Variants in CHP1 observed in about 807,000 individuals in gnomAD.
The protein encoded by CHP1 is calcineurin like EF-hand protein 1.
CHP1 carries 11 observed loss-of-function variants against 27.4 expected under a neutral mutation model. That is an observed-to-expected ratio of 0.40 (90% CI 0.25 to 0.67). The LOEUF (loss-of-function observed/expected upper bound fraction) is 0.67, where lower values mean the gene tolerates loss of function less well. Among genes scored for constraint, CHP1 ranks in the 30% least tolerant of loss-of-function variants. The pLI is 0.38. For synonymous variants in CHP1, 89 were observed against 87.4 expected (o/e 1.02, Z -0.10); for missense variants, 169 against 251.3 (o/e 0.67, Z 2.22).
chr15:41,266,281 C>G (rs902739098), intron 4 of CHP1, among the ~76,000 whole-genome samples: 17 of 151,806 alleles, frequency 1.1e-4, no homozygotes, highest in Admixed American at 1.1e-3. Flanking sequence ...GAAACTCCAT[C>G]TCAAAGAATA....
chr15:41,269,502 AG>A (rs1283398048), intron 4 of CHP1, among the ~76,000 whole-genome samples: 1 of 152,064 alleles, frequency 6.6e-6, no homozygotes, highest in Admixed American at 6.6e-5. Flanking sequence ...TTGTCTTTCA[AG>A]GCCTTGTTCA....
At chr15:41,249,781 C>T (rs1398237338) in intron 2 of CHP1, among the ~76,000 whole-genome samples, 2 of 151,940 alleles carry the variant, frequency 1.3e-5, no homozygotes, top group African/African-American at 2.4e-5. Context: ...CTCGCCTTCA[C>T]CTTAAGAAGG....
chr15:41,273,566 A>T (rs1180453461), intron 5 of CHP1, among the ~76,000 whole-genome samples: 3 of 151,962 alleles, frequency 2.0e-5, no homozygotes, highest in Non-Finnish European at 4.4e-5. Context: ...TTTTTAGTAG[A>T]GACGGGGTTT....
chr15:41,249,454 T>A, intron 2 of CHP1, among the ~76,000 whole-genome samples: 1 of 146,322 alleles, frequency 6.8e-6, no homozygotes. Flanking sequence ...ATGCCTGGCC[T>A]TCACCTTCTT....
At chr15:41,262,012 A>G (rs1255420634) in intron 3 of CHP1, among the ~76,000 whole-genome samples, 5 of 148,028 alleles carry the variant, frequency 3.4e-5, no homozygotes, top group African/African-American at 1.0e-4. Flanking sequence ...AAAAAAAAAT[A>G]CAAAAAATTA....
At chr15:41,233,735 A>G (rs1227583805) in intron 1 of CHP1, among the ~76,000 whole-genome samples, 2 of 152,140 alleles carry the variant, frequency 1.3e-5, no homozygotes, top group Non-Finnish European at 2.9e-5. Context: ...TTCAGAAATC[A>G]GGCAAGAGAG....
At chr15:41,248,190 C>T (rs948088145) in intron 2 of CHP1, among the ~76,000 whole-genome samples, 2 of 151,276 alleles carry the variant, frequency 1.3e-5, no homozygotes, top group African/African-American at 4.9e-5. Context: ...ACTCTGTCTC[C>T]TAGGCTGGAG....
chr15:41,249,327 A>AT, intron 2 of CHP1, among the ~76,000 whole-genome samples: 1 of 151,492 alleles, frequency 6.6e-6, no homozygotes, highest in Non-Finnish European at 1.5e-5. Context: ...TAACTTTTGT[A>AT]TTTTTTGTAG....
At chr15:41,246,935 C>T (rs1396244495) in intron 2 of CHP1, among the ~76,000 whole-genome samples, 1 of 149,706 alleles carries the variant, frequency 6.7e-6, no homozygotes, top group Non-Finnish European at 1.5e-5. Context: ...CCTGTAATCC[C>T]AGCACTTTGG....
chr15:41,234,664 T>C (rs905651870), intron 1 of CHP1, among the ~76,000 whole-genome samples: 8 of 152,210 alleles, frequency 5.3e-5, no homozygotes, highest in Non-Finnish European at 8.8e-5. Flanking sequence ...GATCCTCAGT[T>C]TCATCATCTG....
intron 2 of CHP1, among the ~76,000 whole-genome samples, chr15:41,247,406 A>G (rs2047340901): frequency 6.7e-6 from 1 of 148,626 alleles, no homozygotes; most frequent in African/African-American, 2.5e-5. Flanking sequence ...GTGGTGGCTC[A>G]CTCTTGTAAT....
intron 1 of CHP1, among the ~76,000 whole-genome samples, chr15:41,232,003 G>A (rs901475147): frequency 2.0e-5 from 3 of 152,050 alleles, no homozygotes; most frequent in Non-Finnish European, 4.4e-5. Flanking sequence ...ACAATCAGGG[G>A]TCTGGGATTG....
At chr15:41,248,016 C>G (rs1176661434) in intron 2 of CHP1, among the ~76,000 whole-genome samples, 32 of 146,412 alleles carry the variant, frequency 2.2e-4, no homozygotes, top group African/African-American at 7.6e-4. Context: ...AAATAAGTAT[C>G]TAAGTAAGAT....
chr15:41,247,710 C>T (rs1055023457), intron 2 of CHP1, among the ~76,000 whole-genome samples: 4 of 151,202 alleles, frequency 2.6e-5, no homozygotes, highest in African/African-American at 4.9e-5. Context: ...CGGTGGTTCA[C>T]GCCTGTAATC....
intron 1 of CHP1, among the ~76,000 whole-genome samples, chr15:41,236,402 C>T (rs929525195): frequency 1.3e-5 from 2 of 152,120 alleles, no homozygotes; most frequent in South Asian, 2.1e-4. Context: ...GCTGGGACTA[C>T]AGGCACATGC....
chr15:41,236,972 G>A (rs1423668503), intron 1 of CHP1, among the ~76,000 whole-genome samples: 1 of 150,720 alleles, frequency 6.6e-6, no homozygotes, highest in East Asian at 2.0e-4. Context: ...TGGGATTACA[G>A]GTGCCTGCCA....
At chr15:41,279,315 G>T (rs1384759770) in intron 6 of CHP1, 21 bp from the exon 7 acceptor site, 1 of 1,600,424 alleles carries the variant, frequency 6.2e-7, no homozygotes. Context: ...CTTTGTAACT[G>T]TTACTGGTTT....
rs75783775 is a variant in CHP1, at chr15:41,259,012, G to A, written c.221+2022G>A. On this transcript the variant is annotated intron_variant, in intron 3 of 6. Transcript: ENST00000334660. Reference sequence around the variant, plus strand: ...CATGTAAAGATGGGAATCAAATCACGTTGACTATGAGGAATCTTATGCCCT... The same window carrying A: ...CATGTAAAGATGGGAATCAAATCACATTGACTATGAGGAATCTTATGCCCT... Among the ~76,000 whole-genome samples the A allele has an allele frequency of 3.2e-3, 483 of 152,266 alleles. 3 individuals carry two copies. Among genetic ancestry groups the A allele is most frequent in the African/African-American group, 0.011 (449 of 41,548 alleles).
rs1467590504 is a variant in CHP1 at position 41,279,620 on chromosome 15, T to C, written c.*231T>C. On this transcript the variant is annotated 3_prime_UTR_variant, in exon 7 of 7. Transcript: ENST00000334660. The stretch of plus-strand genomic sequence containing the variant: ...CTGTTCAGTATCCATTCACTAGTTC[T>C]TCATTTATAAATATCATCTTCCCCA... The C allele has an allele frequency of 2.2e-6, 1 of 462,798 alleles. No individual in the cohort carries two copies. The highest frequency in any genetic ancestry group is 3.8e-6 in the Non-Finnish European group (1 of 260,296). 28.7% of individuals were successfully genotyped at this position (462,798 alleles called of 1,614,324 possible).
Sources: allele counts gnomAD v4.1 joint callset (sites outside exome capture counted in the v4.1 genomes callset), GRCh38; gene constraint gnomAD v4.1.1; transcripts MANE v1.5; gene names NCBI Gene and HGNC (gene_info 2026-07-23, HGNC 2026-07-21).